Variants in IGF2BP1 observed in about 807,000 individuals in gnomAD.
IGF2BP1 encodes the protein insulin-like growth factor 2 mRNA-binding protein 1.
In IGF2BP1, 11 loss-of-function variants were observed where a neutral mutation model predicts 74.9. That is an observed-to-expected ratio of 0.15 (90% CI 0.09 to 0.24). The LOEUF (loss-of-function observed/expected upper bound fraction) is 0.24. Ranked by LOEUF, IGF2BP1 falls within the 10% of genes least tolerant of loss-of-function variation. IGF2BP1 has a pLI of 1.00. For missense variants in IGF2BP1, 440 were observed against 757.4 expected, an observed-to-expected ratio of 0.58 and a Z score of 4.92; for synonymous variants, 287 against 281.8, an observed-to-expected ratio of 1.02 and a Z score of -0.18.
At position 48,997,943 on chromosome 17, in the gene IGF2BP1, GA is replaced by G; in HGVS notation, c.175+27del. On this transcript the variant is annotated intron_variant, in intron 1 of 14. Transcript: ENST00000290341. This position sits in a 1 kb window ranked among gnomAD's most constrained non-coding sequence, Gnocchi z 4.8. The stretch of plus-strand genomic sequence containing the variant: ...CCGGTAAGAACACAGCCACCTCCCG[GA>G]AAAGCCACAACGAGAGCCCCGAACA... 1 of 1,609,000 alleles carries G rather than the reference GA, an allele frequency of 6.2e-7. No individual in the cohort carries two copies. The highest frequency in any genetic ancestry group is 8.5e-7 in the Non-Finnish European group (1 of 1,177,428).
intron 1 of IGF2BP1, among the ~76,000 whole-genome samples, 153 bp downstream of exon 1, chr17:48,998,073 CCCTCCCTCGCTCTGCG>C (rs1450030843): frequency 2.4e-4 from 37 of 152,138 alleles, no homozygotes; most frequent in Middle Eastern, 3.2e-3. Flanking sequence ...CTTCGATGCC[CCCTCCCTCGCTCTGCG>C]CCTCCCACCC....
intron 4 of IGF2BP1, among the ~76,000 whole-genome samples, 166 bp from the exon 5 acceptor site, chr17:49,031,744 C>T (rs577420282): frequency 5.3e-5 from 8 of 152,018 alleles, no homozygotes; most frequent in Non-Finnish European, 8.8e-5. Context: ...TCAAGTGATC[C>T]GCCCGCCTCG....
At chr17:49,019,977 TACACCCACACATATATATACAC>T (rs2041769489) in intron 2 of IGF2BP1, among the ~76,000 whole-genome samples, 5 of 51,736 alleles carry the variant, frequency 9.7e-5, no homozygotes, top group Non-Finnish European at 1.5e-4. Flanking sequence ...CACACACACA[TACACCCACACATATATATACAC>T]ACACACACAC....
At chr17:48,996,901 CCTTT>C (rs1016886911), upstream of IGF2BP1, among the ~76,000 whole-genome samples, 1 of 152,028 alleles carries the variant, frequency 6.6e-6, no homozygotes, top group African/African-American at 2.4e-5. Flanking sequence ...GGAAAAGGTT[CCTTT>C]CTTTTTAAAT....
In IGF2BP1 at chr17:49,046,391, C is replaced by A. The variant is rs371099645; in HGVS notation, c.1641+18C>A. The A allele has an allele frequency of 2.7e-5, 43 of 1,570,484 alleles. No homozygotes were observed. In the Middle Eastern group the frequency reaches 1.0e-3, roughly 37 times the overall value. On this transcript the variant is annotated intron_variant, in intron 14 of 14. Coordinates refer to ENST00000290341, the MANE Select transcript of IGF2BP1 (RefSeq NM_006546.4). Reference sequence around the variant, plus strand: ...CCAGTCAGGTACATATGGTGCTCCCCCATTGAGGGAGGGCTGCAGGAGCCC... The same window carrying A: ...CCAGTCAGGTACATATGGTGCTCCCACATTGAGGGAGGGCTGCAGGAGCCC...
intron 12 of IGF2BP1, 115 bp downstream of exon 12, chr17:49,045,180 A>C (rs1235653473): frequency 5.1e-6 from 4 of 791,520 alleles, no homozygotes; most frequent in Non-Finnish European, 6.5e-6. Flanking sequence ...TCCTCATCAC[A>C]TCTTTAAGCC....
intron 4 of IGF2BP1, among the ~76,000 whole-genome samples, chr17:49,031,193 C>T (rs1394412074): frequency 2.6e-5 from 4 of 152,140 alleles, no homozygotes; most frequent in Non-Finnish European, 4.4e-5. Context: ...TTGCAACCTC[C>T]GCCTCCCAGG....
intron 2 of IGF2BP1, among the ~76,000 whole-genome samples, chr17:49,019,420 C>T (rs910249941): frequency 2.0e-5 from 3 of 152,136 alleles, no homozygotes; most frequent in African/African-American, 4.8e-5. Context: ...TAATTTTGAA[C>T]TGCTAATAAC....
chr17:49,047,517 G>A lies in IGF2BP1; in HGVS notation c.1641+1144G>A, dbSNP rs187016464. 3.5e-3 allele frequency among the ~76,000 whole-genome samples: 513 copies of A among 147,306 alleles called. 6 individuals carry two copies. In the Middle Eastern group the frequency reaches 0.05, roughly 14 times the overall value. ...GGTAAATGTGAATCTTTAATTCAGC[G>A]TTTTTTTTTTAAAGAGAGTAAAGGA... On this transcript the variant is annotated intron_variant, in intron 14 of 14. Coordinates refer to ENST00000290341, the MANE Select transcript of IGF2BP1 (RefSeq NM_006546.4).
intron 2 of IGF2BP1, among the ~76,000 whole-genome samples, chr17:49,006,362 A>C (rs1467108883): frequency 6.6e-6 from 1 of 152,220 alleles, no homozygotes; most frequent in Non-Finnish European, 1.5e-5. Context: ...TCTCTCACTC[A>C]TCCTTTACTG....
At chr17:49,045,496 G>A (rs2042099701) in intron 12 of IGF2BP1, among the ~76,000 whole-genome samples, 2 of 152,198 alleles carry the variant, frequency 1.3e-5, no homozygotes, top group Non-Finnish European at 2.9e-5. Context: ...CTGGGCCACT[G>A]GAGAGTCAGA....
At chr17:49,027,421 T>C (rs548520314) in intron 4 of IGF2BP1, among the ~76,000 whole-genome samples, 1 of 152,296 alleles carries the variant, frequency 6.6e-6, no homozygotes, top group East Asian at 1.9e-4. Flanking sequence ...AAGCTCTGAT[T>C]GGTAGCAATA....
intron 8 of IGF2BP1, 28 bp from the exon 9 acceptor site, chr17:49,042,192 CCTGGTCCTGGCCTGCCAGTGAA>C: frequency 6.2e-7 from 1 of 1,612,462 alleles, no homozygotes; most frequent in South Asian, 1.1e-5. Context: ...ACTGCCGGGG[CCTGGTCCTGGCCTGCCAGTGAA>C]AGGACACAAC....
At chr17:49,038,896 G>C (rs985365992) in intron 6 of IGF2BP1, among the ~76,000 whole-genome samples, 2 of 51,988 alleles carry the variant, frequency 3.8e-5, no homozygotes, top group Non-Finnish European at 7.7e-5. Flanking sequence ...TTTTTTTTTT[G>C]AGACAGAGTT....
Position 49,026,539 on chromosome 17 carries a change from GGT to G in IGF2BP1, c.337+24_337+25del, listed in dbSNP as rs760563535. 1.3e-4 allele frequency: 206 copies of G among 1,610,764 alleles called. 1 individual carries two copies. The highest frequency in any genetic ancestry group is 2.4e-5 in the Non-Finnish European group (28 of 1,177,114). On this transcript the variant is annotated intron_variant, in intron 4 of 14. Transcript: ENST00000290341. Reference sequence around the variant, plus strand: ...CAAGGTAAGAGTGGGCCGGGTGTGGGGTGGCACTCGTGGTGGGGGTTGGAGGA... The same window carrying G: ...CAAGGTAAGAGTGGGCCGGGTGTGGGGGCACTCGTGGTGGGGGTTGGAGGA...
rs1237487421 is a variant in IGF2BP1 at position 49,016,796 on chromosome 17, C to T, written c.237-8822C>T. On this transcript the variant is annotated intron_variant, in intron 2 of 14. Transcript: ENST00000290341. ...CCACTCGACAGCCCGCCAGCCCGCCCGCCCGCCCCCCTGTCCTCCTGCCCC... is the reference window on the plus strand; with the variant it reads ...CCACTCGACAGCCCGCCAGCCCGCCTGCCCGCCCCCCTGTCCTCCTGCCCC... Among the ~76,000 whole-genome samples the T allele has an allele frequency of 4.8e-5, 6 of 125,806 alleles. No homozygotes were observed. The East Asian group carries it at 9.1e-4, about 19-fold the overall frequency. The allele number at this position is 125,806 out of a possible 152,430, so 82.5% of individuals were successfully genotyped here. A position where few individuals can be genotyped will look rare whatever the true frequency, so the allele number is the denominator to read the frequency against.
Position 49,045,789 on chromosome 17 carries a change from C to G in IGF2BP1, c.1396-101C>G. 2.3e-6 allele frequency: 3 copies of G among 1,293,764 alleles called. No individual in the cohort carries two copies. In the South Asian group the frequency reaches 4.4e-5, roughly 19 times the overall value. 80.1% of individuals were successfully genotyped at this position (1,293,764 alleles called of 1,614,324 possible). A position where few individuals can be genotyped will look rare whatever the true frequency, so the allele number is the denominator to read the frequency against. On this transcript the variant is annotated intron_variant, in intron 12 of 14. Coordinates refer to ENST00000290341, the MANE Select transcript of IGF2BP1 (RefSeq NM_006546.4). ...GTTAGCCCGCCTAGGATGGGGAGGGCCTGTGGGCCAGAAAATATGGGCTGG... is the reference window on the plus strand; with the variant it reads ...GTTAGCCCGCCTAGGATGGGGAGGGGCTGTGGGCCAGAAAATATGGGCTGG...
chr17:49,009,355 T>C (rs2041588142), intron 2 of IGF2BP1, among the ~76,000 whole-genome samples: 1 of 126,508 alleles, frequency 7.9e-6, no homozygotes, highest in South Asian at 2.4e-4. Context: ...AACAGATATT[T>C]CAGATATTTT....
intron 4 of IGF2BP1, among the ~76,000 whole-genome samples, chr17:49,028,625 T>G (rs2041884346): frequency 6.6e-6 from 1 of 152,142 alleles, no homozygotes; most frequent in Non-Finnish European, 1.5e-5. Context: ...TAGTTTAAAT[T>G]TATCCAAGGC....
Sources: allele counts gnomAD v4.1 joint callset (sites outside exome capture counted in the v4.1 genomes callset), GRCh38; gene constraint gnomAD v4.1.1; non-coding constraint Gnocchi (gnomAD v3.1); transcripts MANE v1.5; gene names NCBI Gene and HGNC (gene_info 2026-07-23, HGNC 2026-07-21).